PHACTR1: variants seen among roughly 807,000 people sequenced by gnomAD.
PHACTR1 encodes phosphatase and actin regulator 1.
Under a neutral mutation model 69.2 loss-of-function variants are expected in PHACTR1, and 16 were observed. That is an observed-to-expected ratio of 0.23 (90% confidence interval 0.16 to 0.35). PHACTR1 has a LOEUF of 0.35. Ranked by LOEUF, PHACTR1 falls within the 10% of genes least tolerant of loss-of-function variation. PHACTR1 has a pLI of 1.00. For synonymous variants in PHACTR1, 312 were observed against 284.5 expected, an observed-to-expected ratio of 1.10 and a Z score of -0.97; for missense variants, 510 against 734.7, an observed-to-expected ratio of 0.69 and a Z score of 3.54.
Position 13,234,513 on chromosome 6 carries a change from A to G in PHACTR1, c.1391+4320A>G, listed in dbSNP as rs146319435. Reference sequence around the variant, plus strand: ...ACATAATTTTAGCCTGACAGTTCCAATAACATAAGAAAAAAAAAAAGACCA... The same window carrying G: ...ACATAATTTTAGCCTGACAGTTCCAGTAACATAAGAAAAAAAAAAAGACCA... On this transcript the variant is annotated intron_variant, in intron 10 of 14. Coordinates refer to ENST00000332995, the MANE Select transcript of PHACTR1 (RefSeq NM_030948.6). 4.6e-3 allele frequency among the ~76,000 whole-genome samples: 696 copies of G among 152,254 alleles called. 8 individuals carry two copies. The highest frequency in any genetic ancestry group is 0.016 in the African/African-American group (666 of 41,514).
chr6:12,969,957 C>T (rs986075266), intron 4 of PHACTR1, among the ~76,000 whole-genome samples: 2 of 152,102 alleles, frequency 1.3e-5, no homozygotes, highest in East Asian at 1.9e-4. Context: ...AGTGAGACTC[C>T]ATCTTAAAAC....
Position 13,287,136 on chromosome 6 carries a change from T to C in PHACTR1, c.*58T>C, listed in dbSNP as rs368435147. ...TCAAAACATAAATTTATAAGAACCATAAGTGCTGGTATTTATTCACTTCCC... is the reference window on the plus strand; with the variant it reads ...TCAAAACATAAATTTATAAGAACCACAAGTGCTGGTATTTATTCACTTCCC... On this transcript the variant is annotated 3_prime_UTR_variant, in exon 15 of 15. Transcript: ENST00000332995. 1.2e-5 allele frequency: 18 copies of C among 1,483,050 alleles called. No individual in the cohort carries two copies. Among genetic ancestry groups the C allele is most frequent in the Non-Finnish European group, 1.7e-5 (18 of 1,079,802 alleles). The allele number at this position is 1,483,050 out of a possible 1,614,324, so 91.9% of individuals were successfully genotyped here. A position where few individuals can be genotyped will look rare whatever the true frequency, so the allele number is the denominator to read the frequency against.
At chr6:13,058,868 C>T (rs1049081040) in intron 5 of PHACTR1, among the ~76,000 whole-genome samples, 3 of 152,072 alleles carry the variant, frequency 2.0e-5, no homozygotes, top group African/African-American at 7.2e-5. Context: ...CGGGTTGAGG[C>T]TGGAGAGGTA....
intron 5 of PHACTR1, among the ~76,000 whole-genome samples, chr6:13,087,001 A>G (rs1583296758): frequency 1.3e-5 from 2 of 151,940 alleles, no homozygotes; most frequent in Admixed American, 6.6e-5. Flanking sequence ...TTGCATTTTC[A>G]TAATGACTAA....
chr6:12,792,658 G>GTGATCA (rs1181881283), intron 4 of PHACTR1, among the ~76,000 whole-genome samples: 1 of 151,942 alleles, frequency 6.6e-6, no homozygotes, highest in Non-Finnish European at 1.5e-5. Flanking sequence ...CTACTTCACT[G>GTGATCA]TGATCATGAT....
intron 4 of PHACTR1, among the ~76,000 whole-genome samples, chr6:12,959,397 A>T (rs1792391603): frequency 6.6e-6 from 1 of 151,926 alleles, no homozygotes; most frequent in Non-Finnish European, 1.5e-5. Context: ...TGGCCCTATC[A>T]CTCCCATCTC....
At chr6:13,210,907 A>ATTT (rs1766714143) in intron 8 of PHACTR1, among the ~76,000 whole-genome samples, 2 of 79,318 alleles carry the variant, frequency 2.5e-5, no homozygotes, top group Non-Finnish European at 4.9e-5. Flanking sequence ...ATGGTTTATC[A>ATTT]TTTCTTTTTT....
chr6:13,193,351 C>CTG (rs1456254087), intron 7 of PHACTR1, among the ~76,000 whole-genome samples: 1 of 34,696 alleles, frequency 2.9e-5, no homozygotes, highest in African/African-American at 1.1e-4. Context: ...CTTAATAGCT[C>CTG]TCTGTGTATA....
intron 4 of PHACTR1, among the ~76,000 whole-genome samples, chr6:13,016,119 T>C (rs1247476479): frequency 6.6e-6 from 1 of 152,068 alleles, no homozygotes; most frequent in Non-Finnish European, 1.5e-5. Context: ...CTGTAGGGAG[T>C]GGATGTTCTT....
At chr6:12,739,973 A>G (rs961563435) in intron 3 of PHACTR1, among the ~76,000 whole-genome samples, 10 of 152,224 alleles carry the variant, frequency 6.6e-5, no homozygotes, top group African/African-American at 1.9e-4. Flanking sequence ...ACAATTCCCT[A>G]CATTTCAAAA....
Position 13,287,055 on chromosome 6 carries a change from T to C in PHACTR1, c.1728-8T>C. Reference sequence around the variant, plus strand: ...CCTTGGTCTTGATGTAATTGTTTGTTTCCTTAGGTTTCACCGACCTTAACA... The same window carrying C: ...CCTTGGTCTTGATGTAATTGTTTGTCTCCTTAGGTTTCACCGACCTTAACA... On this transcript the variant is annotated splice_polypyrimidine_tract_variant and splice_region_variant and intron_variant, in intron 14 of 14. Transcript: ENST00000332995. 1 of 1,607,828 alleles carries C rather than the reference T, an allele frequency of 6.2e-7. No individual in the cohort carries two copies. The highest frequency in any genetic ancestry group is 1.3e-5 in the African/African-American group (1 of 75,032).
intron 5 of PHACTR1, among the ~76,000 whole-genome samples, chr6:13,089,128 A>G (rs1410133609): frequency 6.6e-6 from 1 of 152,128 alleles, no homozygotes; most frequent in East Asian, 1.9e-4. Flanking sequence ...ACTGAACAAG[A>G]TTACAAACAC....
intron 4 of PHACTR1, among the ~76,000 whole-genome samples, chr6:12,896,243 T>C (rs1206315236): frequency 6.6e-6 from 1 of 152,234 alleles, no homozygotes; most frequent in Non-Finnish European, 1.5e-5. Flanking sequence ...TGAGCAGGCA[T>C]TACCCTTGTA....
chr6:12,922,489 C>G (rs1562014613), intron 4 of PHACTR1, among the ~76,000 whole-genome samples: 1 of 151,822 alleles, frequency 6.6e-6, no homozygotes, highest in Non-Finnish European at 1.5e-5. Context: ...AGGAATAAAG[C>G]AAAGTTCTCA....
intron 8 of PHACTR1, among the ~76,000 whole-genome samples, chr6:13,207,813 C>A (rs1447319109): frequency 2.0e-5 from 3 of 151,926 alleles, no homozygotes; most frequent in Non-Finnish European, 4.4e-5. Flanking sequence ...TGGAAAATGG[C>A]AGTATGGAGG....
chr6:12,945,990 A>AATAT (rs1790628547), intron 4 of PHACTR1, among the ~76,000 whole-genome samples: 1 of 150,378 alleles, frequency 6.6e-6, no homozygotes, highest in African/African-American at 2.5e-5. Context: ...TAAATAAATA[A>AATAT]ATAAATAAAT....
intron 4 of PHACTR1, among the ~76,000 whole-genome samples, chr6:12,813,073 T>A (rs1775204720): frequency 6.6e-6 from 1 of 152,178 alleles, no homozygotes; most frequent in African/African-American, 2.4e-5. Context: ...GTAAAAACAA[T>A]TAAAAATTCA....
intron 10 of PHACTR1, among the ~76,000 whole-genome samples, chr6:13,251,192 C>T (rs2127397361): frequency 6.6e-6 from 1 of 152,302 alleles, no homozygotes; most frequent in Middle Eastern, 3.4e-3. Flanking sequence ...CTCAGCCTCC[C>T]AGTGACCTCT....
intron 4 of PHACTR1, among the ~76,000 whole-genome samples, chr6:12,884,643 C>T (rs1005938667): frequency 5.3e-5 from 8 of 152,266 alleles, no homozygotes; most frequent in African/African-American, 1.4e-4. Context: ...CCTCATGGTC[C>T]GCCCGCCTCA....
Sources: gnomAD v4.1 joint callset for allele counts (sites outside exome capture counted in the v4.1 genomes callset) on GRCh38, gnomAD v4.1.1 for gene constraint, MANE v1.5 for transcripts, NCBI Gene and HGNC (gene_info 2026-07-23, HGNC 2026-07-21) for gene names.